The following ZC3H3 variants were observed in gnomAD, a reference collection of about 807,000 sequenced individuals.
ZC3H3 encodes zinc finger CCCH-type containing 3.
ZC3H3 carries 36 observed loss-of-function variants against 77.3 expected under a neutral mutation model. The observed-to-expected ratio is 0.47, with a 90% CI of 0.36 to 0.61. The LOEUF (loss-of-function observed/expected upper bound fraction) is 0.61. Ranked by LOEUF, ZC3H3 falls within the 20% of genes least tolerant of loss-of-function variation. ZC3H3 has a pLI of 0.00. For missense variants in ZC3H3, 1,331 were observed against 1,312.2 expected, an observed-to-expected ratio of 1.01 and a Z score of -0.22; for synonymous variants, 626 against 555.2, an observed-to-expected ratio of 1.13 and a Z score of -1.79.
intron 9 of ZC3H3, among the ~76,000 whole-genome samples, chr8:143,441,552 G>A (rs2129788044): frequency 6.6e-6 from 1 of 152,220 alleles, no homozygotes; most frequent in East Asian, 1.9e-4. Flanking sequence ...GGGTGGGGCA[G>A]GTCAGCCAAG....
rs1205440775 is a variant in ZC3H3, at chr8:143,460,674, AAACGCAGTGCACACAC to A, written c.2307+5027_2307+5042del. ...CCACCAGCACACGAAGGAACTAACAAAACGCAGTGCACACACAACGGAATGTTACTCTACCATAAGA... is the reference window on the plus strand; with the variant it reads ...CCACCAGCACACGAAGGAACTAACAAAACGGAATGTTACTCTACCATAAGA... On this transcript the variant is annotated intron_variant, in intron 9 of 11. Coordinates refer to ENST00000262577, the MANE Select transcript of ZC3H3 (RefSeq NM_015117.3). This position sits in a 1 kb window ranked among gnomAD's most constrained non-coding sequence, Gnocchi z 4.0. Among the ~76,000 whole-genome samples, 1 of 152,214 alleles carries A rather than the reference AAACGCAGTGCACACAC, an allele frequency of 6.6e-6. No homozygotes were observed. The highest frequency in any genetic ancestry group is 1.9e-4 in the East Asian group (1 of 5,200).
chr8:143,465,233 G>C (rs1820375994), intron 9 of ZC3H3, among the ~76,000 whole-genome samples: 2 of 152,164 alleles, frequency 1.3e-5, no homozygotes, highest in Admixed American at 1.3e-4. Flanking sequence ...CCACGGCTCA[G>C]GCGGCCCCCT....
intron 9 of ZC3H3, among the ~76,000 whole-genome samples, chr8:143,451,143 A>AC: frequency 6.6e-6 from 1 of 152,224 alleles, no homozygotes; most frequent in South Asian, 2.1e-4. Flanking sequence ...ATCAGCCAGA[A>AC]CCCAAAACCT....
intron 4 of ZC3H3, among the ~76,000 whole-genome samples, chr8:143,505,343 C>T (rs891047788): frequency 1.6e-4 from 25 of 152,246 alleles, no homozygotes; most frequent in Non-Finnish European, 2.1e-4. Flanking sequence ...GATGCAGCAC[C>T]GGAGATGGCG....
At chr8:143,512,904 G>A (rs1428357100) in intron 3 of ZC3H3, among the ~76,000 whole-genome samples, 1 of 152,228 alleles carries the variant, frequency 6.6e-6, no homozygotes. Context: ...CAGGACCCCG[G>A]GAAGTGCCCC....
At chr8:143,472,355 A>AGGGGCTCTGCGCCCGCC (rs1563846323) in intron 5 of ZC3H3, among the ~76,000 whole-genome samples, 2 of 152,260 alleles carry the variant, frequency 1.3e-5, no homozygotes, top group East Asian at 1.9e-4. Context: ...TGGTGACGTC[A>AGGGGCTCTGCGCCCGCC]GGGGCTCTGC....
intron 3 of ZC3H3, among the ~76,000 whole-genome samples, chr8:143,518,007 G>A (rs902679202): frequency 2.9e-4 from 44 of 152,160 alleles, no homozygotes; most frequent in African/African-American, 9.6e-4. Flanking sequence ...CCACGTCTCA[G>A]GGTACAGGAC....
chr8:143,451,719 G>A (rs944669407), intron 9 of ZC3H3, among the ~76,000 whole-genome samples: 1 of 151,426 alleles, frequency 6.6e-6, no homozygotes, highest in African/African-American at 2.4e-5. Context: ...AGGAGACAGA[G>A]GTTGCAGTGA....
intron 4 of ZC3H3, among the ~76,000 whole-genome samples, chr8:143,489,165 G>A (rs971264022): frequency 2.6e-5 from 4 of 152,258 alleles, no homozygotes; most frequent in Non-Finnish European, 4.4e-5. Flanking sequence ...AAATGTCATT[G>A]CCTGCAGGGA....
At chr8:143,443,833 A>G (rs1280465243) in intron 9 of ZC3H3, among the ~76,000 whole-genome samples, 5 of 152,266 alleles carry the variant, frequency 3.3e-5, no homozygotes, top group Non-Finnish European at 7.3e-5. Flanking sequence ...GTATGTTTGA[A>G]AACACCAGTG....
chr8:143,465,641 G>A (rs1820387959), intron 9 of ZC3H3, 76 bp downstream of exon 9: 1 of 1,577,998 alleles, frequency 6.3e-7, no homozygotes, highest in Non-Finnish European at 8.6e-7. Flanking sequence ...AGCCACCACG[G>A]CAGGTACCCA....
At chr8:143,535,198 C>G (rs1366079973) in intron 3 of ZC3H3, among the ~76,000 whole-genome samples, 1 of 152,124 alleles carries the variant, frequency 6.6e-6, no homozygotes. Flanking sequence ...GCCACCATGC[C>G]CAGCTAATTT....
intron 3 of ZC3H3, among the ~76,000 whole-genome samples, chr8:143,510,353 G>C (rs1418462008): frequency 6.6e-6 from 1 of 152,236 alleles, no homozygotes; most frequent in Non-Finnish European, 1.5e-5. Flanking sequence ...CCCCACAGCA[G>C]GGTCGTGTCC....
chr8:143,463,869 C>G (rs1452568293), intron 9 of ZC3H3, among the ~76,000 whole-genome samples: 1 of 152,248 alleles, frequency 6.6e-6, no homozygotes, highest in Non-Finnish European at 1.5e-5. Flanking sequence ...TGAGCCACAG[C>G]CGTGGCCCCC....
At chr8:143,525,865 C>A (rs1822394913) in intron 3 of ZC3H3, among the ~76,000 whole-genome samples, 1 of 152,254 alleles carries the variant, frequency 6.6e-6, no homozygotes, top group Admixed American at 6.5e-5. Flanking sequence ...TGCCTCTGCA[C>A]CACTCTCCCA....
intron 5 of ZC3H3, among the ~76,000 whole-genome samples, chr8:143,474,638 T>G (rs1458274107): frequency 6.6e-6 from 1 of 152,194 alleles, no homozygotes; most frequent in Non-Finnish European, 1.5e-5. Context: ...GGGCTGAACC[T>G]GTTCTCTCTC....
chr8:143,529,892 C>G (rs1408241178), intron 3 of ZC3H3, among the ~76,000 whole-genome samples: 1 of 152,236 alleles, frequency 6.6e-6, no homozygotes, highest in Non-Finnish European at 1.5e-5. Context: ...GTCACCCAGG[C>G]AGGACAGCCC....
intron 9 of ZC3H3, among the ~76,000 whole-genome samples, chr8:143,445,181 A>C (rs1819834927): frequency 6.6e-6 from 1 of 152,192 alleles, no homozygotes; most frequent in Non-Finnish European, 1.5e-5. Flanking sequence ...CGGTGGTTGG[A>C]GACCAGCCTG....
chr8:143,440,900 C>A, intron 10 of ZC3H3, 36 bp downstream of exon 10: 1 of 1,365,874 alleles, frequency 7.3e-7, no homozygotes, highest in East Asian at 2.8e-5. Flanking sequence ...AGGGGGCCAC[C>A]CAGGCTCACA....
Sources: allele counts gnomAD v4.1 joint callset (sites outside exome capture counted in the v4.1 genomes callset), GRCh38; gene constraint gnomAD v4.1.1; non-coding constraint Gnocchi (gnomAD v3.1); transcripts MANE v1.5; gene names NCBI Gene and HGNC (gene_info 2026-07-23, HGNC 2026-07-21).